The following TIGD5 variants were observed in gnomAD, a reference collection of about 807,000 sequenced individuals.
The protein encoded by TIGD5 is tigger transposable element-derived protein 5.
Under a neutral mutation model 28.8 loss-of-function variants are expected in TIGD5, and 24 were observed. The observed-to-expected ratio is 0.83, with a 90% CI of 0.60 to 1.17. The LOEUF is 1.17. TIGD5 is among the 50% of genes most tolerant of loss of function. The pLI is 0.00. For missense variants in TIGD5, 922 were observed against 911.4 expected (o/e 1.01, Z -0.15); for synonymous variants, 538 against 430.5 (o/e 1.25, Z -3.09).
In TIGD5 at chr8:143,599,302, C is replaced by T. The variant is rs774021410; in HGVS notation, c.1399C>T (p.Leu467=). 2.5e-6 allele frequency: 4 copies of T among 1,608,086 alleles called. No individual in the cohort carries two copies. The highest frequency in any genetic ancestry group is 3.4e-6 in the Non-Finnish European group (4 of 1,177,956). ...CTACCTGGCTGGCCTCTCCTGGGAC[C>T]TGGTGCAGGCGGGCAGCATTGAGCG... ...MLYLAGLSWD[L]VQAGSIERCW... Residue 467 remains leucine, a synonymous_variant, in exon 1 of 1, where the codon CTG becomes TTG. Coordinates refer to ENST00000504548, the MANE Select transcript of TIGD5 (RefSeq NM_032862.5).
Position 143,602,602 on chromosome 8 carries a change from C to T in TIGD5, c.*2770C>T, listed in dbSNP as rs946645885. 1.3e-5 allele frequency: 2 copies of T among 152,246 alleles called. No homozygotes were observed. The highest frequency in any genetic ancestry group is 2.4e-5 in the African/African-American group (1 of 41,458). The allele number at this position is 152,246 out of a possible 1,614,324, so 9.4% of individuals were successfully genotyped here. On this transcript the variant is annotated 3_prime_UTR_variant, in exon 1 of 1. Coordinates refer to ENST00000504548, the MANE Select transcript of TIGD5 (RefSeq NM_032862.5). ...GGCTGCATCTGCTTCCTCTAACAGCCGTGGCTGCCTGCGGGCTCTGGCCTC... is the reference window on the plus strand; with the variant it reads ...GGCTGCATCTGCTTCCTCTAACAGCTGTGGCTGCCTGCGGGCTCTGGCCTC...
At position 143,599,767 on chromosome 8, in the gene TIGD5, A is replaced by G. The variant is rs773642393; in HGVS notation, c.1864A>G (p.Ile622Val). ...PLRLVQLRSLISMARRLGGIG... is the reference protein window; with the variant it reads ...PLRLVQLRSLVSMARRLGGIG... ...GAGGCTGGTGCAGTTGCGCTCACTC[A>G]TCAGCATGGCCCGGAGGCTGGGGGG... The change falls in exon 1 of 1, where the codon ATC becomes GTC. Residue 622 changes from isoleucine (I) to valine (V), a missense_variant. This residue lies in a region of TIGD5 where 821 missense variants were observed against 815.2 expected (regional missense o/e 1.01). Transcript: ENST00000504548. 2.0e-6 allele frequency: 3 copies of G among 1,491,018 alleles called. No homozygotes were observed. The highest frequency in any genetic ancestry group is 2.8e-5 in the African/African-American group (2 of 70,926). 92.4% of individuals were successfully genotyped at this position (1,491,018 alleles called of 1,614,324 possible).
chr8:143,599,897 C>A lies in TIGD5; in HGVS notation c.*65C>A. ...GGGAGGGGACATACACACAGTCTCC[C>A]ATCTCTCCTCCCCTCCCCCTGGGGT... On this transcript the variant is annotated 3_prime_UTR_variant, in exon 1 of 1. Transcript: ENST00000504548. 1 of 1,409,388 alleles carries A rather than the reference C, an allele frequency of 7.1e-7. No individual in the cohort carries two copies. The highest frequency in any genetic ancestry group is 9.2e-7 in the Non-Finnish European group (1 of 1,086,318). 87.3% of individuals were successfully genotyped at this position (1,409,388 alleles called of 1,614,324 possible). A position where few individuals can be genotyped will look rare whatever the true frequency, so the allele number is the denominator to read the frequency against.
At position 143,599,964 on chromosome 8, in the gene TIGD5, C is replaced by A. The variant is rs768999840; in HGVS notation, c.*132C>A. The A allele has an allele frequency of 1.9e-6, 2 of 1,068,480 alleles. No individual in the cohort carries two copies. Among genetic ancestry groups the A allele is most frequent in the African/African-American group, 3.3e-5 (2 of 60,380 alleles). The allele number at this position is 1,068,480 out of a possible 1,614,324, so 66.2% of individuals were successfully genotyped here. A position where few individuals can be genotyped will look rare whatever the true frequency, so the allele number is the denominator to read the frequency against. On this transcript the variant is annotated 3_prime_UTR_variant, in exon 1 of 1. Transcript: ENST00000504548. The stretch of plus-strand genomic sequence containing the variant: ...ACAGGGGGTTCCAGGAATCCAAATC[C>A]AGCATGGCTTGGAGGAGCTCTGTTG...
chr8:143,599,235 C>T lies in TIGD5; in HGVS notation c.1332C>T (p.Ser444=), dbSNP rs1179296187. The stretch of plus-strand genomic sequence containing the variant: ...TGGCTGTGTCCTGCGCCAGCGGCTC[C>T]CCGCTGGACTTCATGCGCAGCTTCA... ...LRLAVSCASG[S]PLDFMRSFML... Residue 444 remains serine (S), a synonymous_variant, in exon 1 of 1, where the codon TCC becomes TCT. Transcript: ENST00000504548. The T allele has an allele frequency of 6.2e-7, 1 of 1,611,702 alleles. No homozygotes were observed. The highest frequency in any genetic ancestry group is 1.3e-5 in the African/African-American group (1 of 75,048).
In TIGD5 at chr8:143,600,399, G is replaced by A. The variant is rs1457419200; in HGVS notation, c.*567G>A. 1 of 152,658 alleles carries A rather than the reference G, an allele frequency of 6.6e-6. No individual in the cohort carries two copies. The highest frequency in any genetic ancestry group is 6.5e-5 in the Admixed American group (1 of 15,302). 9.5% of individuals were successfully genotyped at this position (152,658 alleles called of 1,614,324 possible). On this transcript the variant is annotated 3_prime_UTR_variant, in exon 1 of 1. Transcript: ENST00000504548. ...GTTTCTCTGGAGGTCAGAGGCCCCA[G>A]GTACTGGAGCATCACTGTGGAGTGG...
rs780960936 is a variant in TIGD5, at chr8:143,599,596, C to T, written c.1693C>T (p.Pro565Ser). 2.0e-6 allele frequency: 3 copies of T among 1,533,280 alleles called. No homozygotes were observed. Among genetic ancestry groups the T allele is most frequent in the Admixed American group, 4.3e-5 (2 of 46,452 alleles). The allele number at this position is 1,533,280 out of a possible 1,614,324, so 95.0% of individuals were successfully genotyped here. Residue 565 changes from proline to serine, a missense_variant, in exon 1 of 1, where the codon CCC becomes TCC. Around this residue, in one of 3 missense-constraint regions of TIGD5, gnomAD observed 821 missense variants for 815.2 expected, o/e 1.01. Transcript: ENST00000504548. ...AGCGCCTCCGGCCCCAGCCAGTCTG[C>T]CCTCTGCCATGGGGGGCGGAGAGGA... The part of the protein sequence containing the change: ...PAAPPAPASL[P>S]SAMGGGEDEE...
Position 143,603,008 on chromosome 8 carries a change from G to T in TIGD5, c.*3176G>T, listed in dbSNP as rs34637455. 6.6e-6 allele frequency: 1 copy of T among 152,168 alleles called. No individual in the cohort carries two copies. Among genetic ancestry groups the T allele is most frequent in the Non-Finnish European group, 1.5e-5 (1 of 68,050 alleles). The allele number at this position is 152,168 out of a possible 1,614,324, so 9.4% of individuals were successfully genotyped here. A position where few individuals can be genotyped will look rare whatever the true frequency, so the allele number is the denominator to read the frequency against. Reference sequence around the variant, plus strand: ...GAAAGGAAGGGGAGCACCCCCAGACGGGGGGGTCCTGCAGAGACCCCAACC... The same window carrying T: ...GAAAGGAAGGGGAGCACCCCCAGACTGGGGGGTCCTGCAGAGACCCCAACC... On this transcript the variant is annotated 3_prime_UTR_variant, in exon 1 of 1. Transcript: ENST00000504548.
Position 143,598,407 on chromosome 8 carries a change from C to G in TIGD5, c.504C>G (p.Ser168Arg), listed in dbSNP as rs1339243087. The part of the protein sequence containing the change: ...IYGPECTFKA[S>R]HGWFWRWQKR... Reference sequence around the variant, plus strand: ...GGCCCGAGTGCACCTTCAAGGCCAGCCACGGCTGGTTCTGGCGCTGGCAGA... The same window carrying G: ...GGCCCGAGTGCACCTTCAAGGCCAGGCACGGCTGGTTCTGGCGCTGGCAGA... The change falls in exon 1 of 1, where the codon AGC (serine) becomes AGG (arginine). Residue 168 changes from serine to arginine, a missense_variant. Physicochemically the swap from Ser to Arg is moderately radical, Grantham distance 110. Coordinates refer to ENST00000504548, the MANE Select transcript of TIGD5 (RefSeq NM_032862.5). This position sits in a 1 kb window ranked among gnomAD's most constrained non-coding sequence, Gnocchi z 6.6. The G allele has an allele frequency of 6.6e-7, 1 of 1,526,474 alleles. No homozygotes were observed. The highest frequency in any genetic ancestry group is 2.0e-5 in the Admixed American group (1 of 51,172). The allele number at this position is 1,526,474 out of a possible 1,614,324, so 94.6% of individuals were successfully genotyped here.
Position 143,598,895 on chromosome 8 carries a change from G to C in TIGD5, c.992G>C (p.Trp331Ser). 1.9e-6 allele frequency: 3 copies of C among 1,598,304 alleles called. No homozygotes were observed. The highest frequency in any genetic ancestry group is 2.5e-6 in the Non-Finnish European group (3 of 1,179,314). The change falls in exon 1 of 1, where the codon TGG becomes TCG. Residue 331 changes from tryptophan (W) to serine (S), a missense_variant. Around this residue, in one of 3 missense-constraint regions of TIGD5, gnomAD observed 821 missense variants for 815.2 expected, o/e 1.01. Coordinates refer to ENST00000504548, the MANE Select transcript of TIGD5 (RefSeq NM_032862.5). This position sits in a 1 kb window ranked among gnomAD's most constrained non-coding sequence, Gnocchi z 6.6. ...CTCAGCCGCCCGCTGCTGCGGGGCT[G>C]GTTCTTTGAGGAATTTGTCCCAGGC... ...AWLSRPLLRGWFFEEFVPGVK... is the reference protein window; with the variant it reads ...AWLSRPLLRGSFFEEFVPGVK...
In TIGD5 at chr8:143,599,612, G is replaced by A; in HGVS notation, c.1709G>A (p.Gly570Asp). Residue 570 changes from glycine to aspartate, a missense_variant, in exon 1 of 1, where the codon GGC becomes GAC. This residue lies in a region of TIGD5 where 821 missense variants were observed against 815.2 expected (regional missense o/e 1.01). Coordinates refer to ENST00000504548, the MANE Select transcript of TIGD5 (RefSeq NM_032862.5). Reference protein sequence around the residue: ...APASLPSAMGGGEDEEEATDY... With the variant: ...APASLPSAMGDGEDEEEATDY... ...GCCAGTCTGCCCTCTGCCATGGGGG[G>A]CGGAGAGGACGAGGAGGAGGCCACC... The A allele has an allele frequency of 6.5e-7, 1 of 1,526,970 alleles. No homozygotes were observed. The highest frequency in any genetic ancestry group is 8.8e-7 in the Non-Finnish European group (1 of 1,140,130). The allele number at this position is 1,526,970 out of a possible 1,614,324, so 94.6% of individuals were successfully genotyped here. A position where few individuals can be genotyped will look rare whatever the true frequency, so the allele number is the denominator to read the frequency against.
rs1356736462 is a variant in TIGD5, at chr8:143,600,862, TA to T, written c.*1031del. 1 of 152,390 alleles carries T rather than the reference TA, an allele frequency of 6.6e-6. No homozygotes were observed. The highest frequency in any genetic ancestry group is 1.5e-5 in the Non-Finnish European group (1 of 68,128). The allele number at this position is 152,390 out of a possible 1,614,324, so 9.4% of individuals were successfully genotyped here. A position where few individuals can be genotyped will look rare whatever the true frequency, so the allele number is the denominator to read the frequency against. ...GGTTCTGTTCTGCTCTGGCCAGGTCTAGACCTACAGTCCTTCTGGTTGGACT... is the reference window on the plus strand; with the variant it reads ...GGTTCTGTTCTGCTCTGGCCAGGTCTGACCTACAGTCCTTCTGGTTGGACT... On this transcript the variant is annotated 3_prime_UTR_variant, in exon 1 of 1. Coordinates refer to ENST00000504548, the MANE Select transcript of TIGD5 (RefSeq NM_032862.5).
Position 143,597,872 on chromosome 8 carries a change from C to A in TIGD5, c.-32C>A. On this transcript the variant is annotated 5_prime_UTR_variant, in exon 1 of 1. Transcript: ENST00000504548. ...GCGGCTGGGCGTGTGGCTCCCGCGACCCGCGCGGCCCGGGTCCCCCCCGCC... is the reference window on the plus strand; with the variant it reads ...GCGGCTGGGCGTGTGGCTCCCGCGAACCGCGCGGCCCGGGTCCCCCCCGCC... 1.3e-6 allele frequency: 1 copy of A among 742,632 alleles called. No homozygotes were observed. The highest frequency in any genetic ancestry group is 1.6e-6 in the Non-Finnish European group (1 of 610,682). 46.0% of individuals were successfully genotyped at this position (742,632 alleles called of 1,614,324 possible).
At position 143,600,274 on chromosome 8, in the gene TIGD5, A is replaced by AT. The variant is rs1234483225; in HGVS notation, c.*444dup. 2 of 178,772 alleles carry AT rather than the reference A, an allele frequency of 1.1e-5. No homozygotes were observed. The highest frequency in any genetic ancestry group is 4.7e-5 in the African/African-American group (2 of 42,522). The allele number at this position is 178,772 out of a possible 1,614,324, so 11.1% of individuals were successfully genotyped here. A position where few individuals can be genotyped will look rare whatever the true frequency, so the allele number is the denominator to read the frequency against. The stretch of plus-strand genomic sequence containing the variant: ...TCTCAGTGGCGAAGCACACCACTTG[A>AT]TTCTATTTTTTTTTAACACATTAAA... On this transcript the variant is annotated 3_prime_UTR_variant, in exon 1 of 1. Transcript: ENST00000504548.
chr8:143,598,589 G>A lies in TIGD5; in HGVS notation c.686G>A (p.Gly229Asp). The change falls in exon 1 of 1, where the codon GGC becomes GAC. Residue 229 changes from glycine to aspartate, a missense_variant. Transcript: ENST00000504548. The surrounding 1 kb of genome is among the most constrained non-coding windows in gnomAD (Gnocchi z 6.6). ...RAPAPPPPAEGGYGDEQIYSA... is the reference protein window; with the variant it reads ...RAPAPPPPAEDGYGDEQIYSA... ...CCGGCCCCGCCGCCCCCGGCCGAGG[G>A]CGGCTACGGGGACGAGCAGATTTAC... 3.7e-6 allele frequency: 5 copies of A among 1,366,892 alleles called. No homozygotes were observed. The highest frequency in any genetic ancestry group is 4.7e-6 in the Non-Finnish European group (5 of 1,067,628). 84.7% of individuals were successfully genotyped at this position (1,366,892 alleles called of 1,614,324 possible).
At position 143,599,117 on chromosome 8, in the gene TIGD5, C is replaced by T. The variant is rs1367628038; in HGVS notation, c.1214C>T (p.Ser405Phe). The T allele has an allele frequency of 1.0e-5, 16 of 1,587,144 alleles. No homozygotes were observed. Among genetic ancestry groups the T allele is most frequent in the Non-Finnish European group, 1.4e-5 (16 of 1,168,026 alleles). The part of the protein sequence containing the change: ...PDGAVRVLFL[S>F]KGSSRAHIPA... Reference sequence around the variant, plus strand: ...GGCGCTGTGCGGGTGCTGTTCCTGTCCAAAGGCAGCAGCCGGGCACATATC... The same window carrying T: ...GGCGCTGTGCGGGTGCTGTTCCTGTTCAAAGGCAGCAGCCGGGCACATATC... The change falls in exon 1 of 1, where the codon TCC becomes TTC. Residue 405 changes from serine (S) to phenylalanine (F), a missense_variant. Transcript: ENST00000504548.
chr8:143,598,434 G>A lies in TIGD5; in HGVS notation c.531G>A (p.Lys177=), dbSNP rs1404083510. The change falls in exon 1 of 1, where the codon AAG becomes AAA. Residue 177 remains lysine, a synonymous_variant. Coordinates refer to ENST00000504548, the MANE Select transcript of TIGD5 (RefSeq NM_032862.5). The surrounding 1 kb of genome is among the most constrained non-coding windows in gnomAD (Gnocchi z 6.6). ...ACGGCTGGTTCTGGCGCTGGCAGAAGCGCCACGGCATCTCCAGCCAGCGCT... is the reference window on the plus strand; with the variant it reads ...ACGGCTGGTTCTGGCGCTGGCAGAAACGCCACGGCATCTCCAGCCAGCGCT... ...ASHGWFWRWQ[K]RHGISSQRFY... is the part of the protein sequence containing the mutation. 4 of 1,496,024 alleles carry A rather than the reference G, an allele frequency of 2.7e-6. No individual in the cohort carries two copies. The highest frequency in any genetic ancestry group is 2.1e-5 in the Admixed American group (1 of 47,694). 92.7% of individuals were successfully genotyped at this position (1,496,024 alleles called of 1,614,324 possible). A position where few individuals can be genotyped will look rare whatever the true frequency, so the allele number is the denominator to read the frequency against.
rs77936736 is a variant in TIGD5, at chr8:143,602,523, G to A, written c.*2691G>A. 2.0e-5 allele frequency: 3 copies of A among 152,288 alleles called. No individual in the cohort carries two copies. Among genetic ancestry groups the A allele is most frequent in the Non-Finnish European group, 4.4e-5 (3 of 68,058 alleles). 9.4% of individuals were successfully genotyped at this position (152,288 alleles called of 1,614,324 possible). ...CAAGTGTTCTTTCCCAAAGCTGCGCGGGTGCCATCGCCTGCCAGGCCCTGG... is the reference window on the plus strand; with the variant it reads ...CAAGTGTTCTTTCCCAAAGCTGCGCAGGTGCCATCGCCTGCCAGGCCCTGG... On this transcript the variant is annotated 3_prime_UTR_variant, in exon 1 of 1. Coordinates refer to ENST00000504548, the MANE Select transcript of TIGD5 (RefSeq NM_032862.5).
rs558073679 is a variant in TIGD5, at chr8:143,600,788, G to C, written c.*956G>C. On this transcript the variant is annotated 3_prime_UTR_variant, in exon 1 of 1. Coordinates refer to ENST00000504548, the MANE Select transcript of TIGD5 (RefSeq NM_032862.5). ...GGATGTGGCTGACAAGCTGCTCCTG[G>C]GAGGCCTACTTTGAAAGGAGGAAAG... is the stretch of plus-strand genomic sequence containing the variant. The C allele has an allele frequency of 6.6e-6, 1 of 152,546 alleles. No individual in the cohort carries two copies. The highest frequency in any genetic ancestry group is 1.5e-5 in the Non-Finnish European group (1 of 68,190). 9.4% of individuals were successfully genotyped at this position (152,546 alleles called of 1,614,324 possible). A position where few individuals can be genotyped will look rare whatever the true frequency, so the allele number is the denominator to read the frequency against.
Sources: allele counts gnomAD v4.1 joint callset, GRCh38; gene constraint gnomAD v4.1.1; regional missense constraint gnomAD v4.1.1; non-coding constraint Gnocchi (gnomAD v3.1); transcripts MANE v1.5; gene names NCBI Gene and HGNC (gene_info 2026-07-23, HGNC 2026-07-21).